Variants in CTNNA3 observed in about 807,000 individuals in gnomAD.
CTNNA3 encodes the protein catenin alpha-3.
In CTNNA3, 76 loss-of-function variants were observed where a neutral mutation model predicts 95.7. That is an observed-to-expected ratio of 0.79 (90% confidence interval 0.66 to 0.96). CTNNA3 has a LOEUF of 0.96. Among genes scored for constraint, CTNNA3 ranks in the 40% least tolerant of loss-of-function variants. CTNNA3 has a pLI of 0.00. For missense variants in CTNNA3, 1,191 were observed against 1,089.8 expected (o/e 1.09, Z -1.31); for synonymous variants, 431 against 374.4 (o/e 1.15, Z -1.74).
intron 10 of CTNNA3, among the ~76,000 whole-genome samples, chr10:66,564,630 C>T (rs1171553593): frequency 6.6e-6 from 1 of 152,114 alleles, no homozygotes; most frequent in Non-Finnish European, 1.5e-5. Flanking sequence ...TTTGAGGGGA[C>T]TTGAAAAGCA....
chr10:66,895,006 T>A (rs540702826), intron 7 of CTNNA3, among the ~76,000 whole-genome samples: 174 of 130,972 alleles, frequency 1.3e-3, no homozygotes, highest in African/African-American at 4.8e-3. Context: ...TATTTATATA[T>A]AATTGTGCCA....
intron 7 of CTNNA3, among the ~76,000 whole-genome samples, chr10:66,959,982 A>T (rs1849028375): frequency 6.6e-6 from 1 of 152,124 alleles, no homozygotes; most frequent in Non-Finnish European, 1.5e-5. Context: ...CTACAAGGCT[A>T]GTCTGTACTG....
intron 4 of CTNNA3, among the ~76,000 whole-genome samples, chr10:67,529,072 T>C (rs10997695): frequency 0.2 from 30,427 of 152,042 alleles, 4,142 homozygotes; most frequent in East Asian, 0.67. Context: ...ATATATTAAG[T>C]AGCTTGAGTT....
rs771611080 is a variant in CTNNA3 at position 66,927,717 on chromosome 10, T to C, written c.1048-152193A>G. The C allele has an allele frequency of 1.2e-6, 2 of 1,614,206 alleles. No homozygotes were observed. The highest frequency in any genetic ancestry group is 1.7e-6 in the Non-Finnish European group (2 of 1,180,044). On this transcript the variant is annotated intron_variant, in intron 7 of 17. Transcript: ENST00000433211. The surrounding 1 kb of genome is among the most constrained non-coding windows in gnomAD (Gnocchi z 4.7). ...ATTTATCAGGCAATGAGATCGAAGC[T>C]TTCAGTGGACCCAGTGTTTTCCAGT...
chr10:66,355,261 C>A (rs1247479125), intron 12 of CTNNA3, among the ~76,000 whole-genome samples: 1 of 152,090 alleles, frequency 6.6e-6, no homozygotes, highest in Non-Finnish European at 1.5e-5. Context: ...GTAGCAAGCC[C>A]ATTTTATTGT....
At chr10:66,481,503 G>A (rs1390281209) in intron 11 of CTNNA3, among the ~76,000 whole-genome samples, 5 of 98,628 alleles carry the variant, frequency 5.1e-5, no homozygotes, top group East Asian at 6.3e-4. Context: ...ACGGAGTCTC[G>A]CTCTGTCGCC....
chr10:66,291,224 T>G (rs1433547222), intron 12 of CTNNA3, among the ~76,000 whole-genome samples: 2 of 152,166 alleles, frequency 1.3e-5, no homozygotes, highest in Non-Finnish European at 2.9e-5. Flanking sequence ...GTGTTTTCTC[T>G]GAAGTTTTAC....
intron 13 of CTNNA3, among the ~76,000 whole-genome samples, chr10:66,252,415 C>A (rs182931654): frequency 2.1e-3 from 324 of 152,218 alleles, no homozygotes; most frequent in African/African-American, 7.2e-3. Flanking sequence ...GACAATTATG[C>A]ATTTCTTTAG....
chr10:66,609,615 G>A (rs1270472725), intron 10 of CTNNA3, among the ~76,000 whole-genome samples: 1 of 151,886 alleles, frequency 6.6e-6, no homozygotes, highest in Non-Finnish European at 1.5e-5. Flanking sequence ...ATGCTAGCAA[G>A]GTTGCAGAGA....
At chr10:66,789,161 C>CT (rs113283775) in intron 7 of CTNNA3, among the ~76,000 whole-genome samples, 37,440 of 151,602 alleles carry the variant, frequency 0.25, 5,354 homozygotes, top group African/African-American at 0.4. Context: ...CTTACTAAAC[C>CT]TTTTTTTTGT....
rs549942027 is a variant in CTNNA3, at chr10:65,964,280, C to T, written c.2400+2332G>A. On this transcript the variant is annotated intron_variant, in intron 17 of 17. Transcript: ENST00000433211. ...TATTTAGAAAGCTTTCTAGGATCTACCTGCAAACAGATGGCAGTAAGATAT... is the reference window on the plus strand; with the variant it reads ...TATTTAGAAAGCTTTCTAGGATCTATCTGCAAACAGATGGCAGTAAGATAT... 1.4e-4 allele frequency among the ~76,000 whole-genome samples: 21 copies of T among 152,292 alleles called. No individual in the cohort carries two copies. In the South Asian group the frequency reaches 4.1e-3, roughly 30 times the overall value.
intron 1 of CTNNA3, among the ~76,000 whole-genome samples, chr10:67,726,624 T>TA (rs1365539578): frequency 2.8e-3 from 17 of 6,118 alleles, no homozygotes; most frequent in African/African-American, 9.2e-3. Flanking sequence ...ATATAATATA[T>TA]ATTATATTAT....
At position 66,145,727 on chromosome 10, in the gene CTNNA3, T is replaced by C. The variant is rs532899481; in HGVS notation, c.1885-42478A>G. On this transcript the variant is annotated intron_variant, in intron 13 of 17. Transcript: ENST00000433211. ...AGCCTCCAGGGTCATCTGGGTTTGTTTCTCTTCATTAAGTGTTTTTTATTT... is the reference window on the plus strand; with the variant it reads ...AGCCTCCAGGGTCATCTGGGTTTGTCTCTCTTCATTAAGTGTTTTTTATTT... 3.5e-4 allele frequency among the ~76,000 whole-genome samples: 53 copies of C among 152,332 alleles called. 1 individual carries two copies. The South Asian group carries it at 0.01, about 30-fold the overall frequency.
intron 15 of CTNNA3, among the ~76,000 whole-genome samples, chr10:66,018,880 A>G (rs988784812): frequency 3.3e-5 from 5 of 151,112 alleles, no homozygotes; most frequent in Non-Finnish European, 5.9e-5. Context: ...GTGATAGATG[A>G]TCAATCACAT....
intron 1 of CTNNA3, among the ~76,000 whole-genome samples, chr10:67,664,906 C>A (rs561731891): frequency 5.9e-5 from 9 of 152,184 alleles, no homozygotes; most frequent in African/African-American, 2.2e-4. Context: ...TTTAAGTCTG[C>A]GCACAAAAAC....
At chr10:66,056,389 T>C (rs1407221910) in intron 15 of CTNNA3, among the ~76,000 whole-genome samples, 1 of 152,184 alleles carries the variant, frequency 6.6e-6, no homozygotes, top group Non-Finnish European at 1.5e-5. Context: ...TCCCTCTCAA[T>C]GATGATGAAT....
At chr10:67,495,640 C>CA (rs11373087) in intron 5 of CTNNA3, among the ~76,000 whole-genome samples, 13,898 of 152,174 alleles carry the variant, frequency 0.091, 1,185 homozygotes, top group African/African-American at 0.23. Context: ...TCAGGAGGCA[C>CA]AGAAGAGGTG....
intron 5 of CTNNA3, among the ~76,000 whole-genome samples, chr10:67,295,081 G>C (rs1839982730): frequency 1.3e-5 from 2 of 152,140 alleles, no homozygotes; most frequent in African/African-American, 4.8e-5. Context: ...CCATGAAGTG[G>C]ACTTCAGTAG....
At chr10:66,336,484 C>A (rs568770067) in intron 12 of CTNNA3, among the ~76,000 whole-genome samples, 21 of 152,174 alleles carry the variant, frequency 1.4e-4, no homozygotes, top group African/African-American at 4.6e-4. Flanking sequence ...AAAAGAATTG[C>A]AAAGAGTTAA....
Sources: gnomAD v4.1 joint callset for allele counts (sites outside exome capture counted in the v4.1 genomes callset) on GRCh38, gnomAD v4.1.1 for gene constraint, Gnocchi (gnomAD v3.1) non-coding constraint, MANE v1.5 for transcripts, NCBI Gene and HGNC (gene_info 2026-07-23, HGNC 2026-07-21) for gene names.